NUCB2: variants seen among roughly 807,000 people sequenced by gnomAD.
NUCB2 encodes the protein nucleobindin-2.
NUCB2 carries 48 observed loss-of-function variants against 57.9 expected under a neutral mutation model. The ratio of observed to expected loss-of-function variants is 0.83; its 90% CI spans 0.66 to 1.05. The LOEUF (loss-of-function observed/expected upper bound fraction) is 1.05. Ranked by LOEUF, NUCB2 falls within the 50% of genes least tolerant of loss-of-function variation. The pLI is 0.00. For synonymous variants in NUCB2, 139 were observed against 152.1 expected (o/e 0.91, Z 0.64); for missense variants, 442 against 476.2 (o/e 0.93, Z 0.67).
chr11:17,346,824 C>G (rs916312166), intron 2 of NUCB2, among the ~76,000 whole-genome samples: 1 of 152,046 alleles, frequency 6.6e-6, no homozygotes, highest in Non-Finnish European at 1.5e-5. Context: ...GCCAGTTATC[C>G]TACTATAAAT....
At chr11:17,327,568 G>A (rs533455075) in intron 11 of NUCB2, among the ~76,000 whole-genome samples, 5 of 152,078 alleles carry the variant, frequency 3.3e-5, no homozygotes, top group East Asian at 1.9e-4. Context: ...TATATTTGCC[G>A]TTTTGAGGCT....
chr11:17,311,127 T>C, intron 7 of NUCB2, 66 bp from the exon 8 acceptor site: 1 of 1,440,448 alleles, frequency 6.9e-7, no homozygotes. Context: ...TCCTCAAATT[T>C]ATATTTTGAG....
At position 17,311,024 on chromosome 11, in the gene NUCB2, C is replaced by T. The variant is rs746563783; in HGVS notation, c.669+14C>T. ...GTTAATCACCCAGTAAGGATTGTGACTTTATGAAACCATTTTTAGATAAAG... is the reference window on the plus strand; with the variant it reads ...GTTAATCACCCAGTAAGGATTGTGATTTTATGAAACCATTTTTAGATAAAG... On this transcript the variant is annotated intron_variant, in intron 7 of 13. Coordinates refer to ENST00000529010, the MANE Select transcript of NUCB2 (RefSeq NM_005013.4). 1 of 1,551,936 alleles carries T rather than the reference C, an allele frequency of 6.4e-7. No homozygotes were observed. The highest frequency in any genetic ancestry group is 1.2e-5 in the South Asian group (1 of 80,946).
rs535478658 is a variant in NUCB2 at position 17,290,652 on chromosome 11, C to G, written c.1-4672C>G. ...AAATCTTAAGTTTATATATATATAC[C>G]TAATATTTGAATAAAAATTAACAGA... On this transcript the variant is annotated intron_variant, in intron 2 of 13. Transcript: ENST00000529010. Among the ~76,000 whole-genome samples, 4 of 151,720 alleles carry G rather than the reference C, an allele frequency of 2.6e-5. No homozygotes were observed. In the East Asian group the frequency reaches 5.8e-4, roughly 22 times the overall value.
chr11:17,321,476 CCA>C (rs1479995113), intron 11 of NUCB2, among the ~76,000 whole-genome samples: 1 of 152,094 alleles, frequency 6.6e-6, no homozygotes, highest in Non-Finnish European at 1.5e-5. Flanking sequence ...TGTATAAGTA[CCA>C]CATTTTCTTC....
chr11:17,330,914 A>G lies in NUCB2; in HGVS notation c.1186A>G (p.Met396Val), dbSNP rs1951314323. 1.9e-6 allele frequency: 3 copies of G among 1,600,100 alleles called. No homozygotes were observed. Among genetic ancestry groups the G allele is most frequent in the African/African-American group, 1.3e-5 (1 of 74,286 alleles). ...KLEYHQVIQQ[M>V]EQKKLQQGIP... is the part of the protein sequence containing the mutation. ...TTCCATTCACCAGGTCATACAGCAG[A>G]TGGAACAAAAAAAATTACAACAAGG... Residue 396 changes from methionine to valine, a missense_variant, in exon 13 of 14, where the codon ATG becomes GTG. By Grantham distance (21) the Met-to-Val change is conservative. Transcript: ENST00000529010. This position sits in a 1 kb window ranked among gnomAD's most constrained non-coding sequence, Gnocchi z 4.3.
intron 4 of NUCB2, among the ~76,000 whole-genome samples, chr11:17,300,318 A>G (rs1021298978): frequency 5.3e-5 from 8 of 152,152 alleles, no homozygotes; most frequent in Admixed American, 2.0e-4. Context: ...TGCCATTTCA[A>G]TAGTTTTTTT....
intron 2 of NUCB2, among the ~76,000 whole-genome samples, chr11:17,288,530 T>C (rs1196660722): frequency 2.2e-5 from 3 of 138,450 alleles, no homozygotes; most frequent in African/African-American, 8.6e-5. Context: ...TATTTTATCT[T>C]TTTCTTCTTC....
intron 11 of NUCB2, among the ~76,000 whole-genome samples, chr11:17,324,774 A>G (rs1017453035): frequency 1.4e-5 from 2 of 140,988 alleles, no homozygotes; most frequent in Admixed American, 7.9e-5. Context: ...CATATTGTCT[A>G]TTTGTCTATT....
chr11:17,282,128 C>A (rs1013273594), intron 1 of NUCB2, among the ~76,000 whole-genome samples: 1 of 151,186 alleles, frequency 6.6e-6, no homozygotes. Flanking sequence ...AGCTTTTAAT[C>A]TGAATTCCTC....
chr11:17,295,743 A>G, intron 3 of NUCB2: 1 of 404,816 alleles, frequency 2.5e-6, no homozygotes. Context: ...TAATCGTAAT[A>G]CATTTCCAAC....
chr11:17,288,963 A>ATT (rs1555071216), intron 2 of NUCB2, among the ~76,000 whole-genome samples: 1,417 of 68,066 alleles, frequency 0.021, 267 homozygotes, highest in Middle Eastern at 0.071. Flanking sequence ...ATATATATAT[A>ATT]TTTTTTTTTT....
intron 2 of NUCB2, among the ~76,000 whole-genome samples, chr11:17,288,950 C>CACACACACAT (rs1944414979): frequency 3.0e-4 from 10 of 33,164 alleles, no homozygotes; most frequent in African/African-American, 4.8e-4. Context: ...CACACACACA[C>CACACACACAT]ATATATATAT....
chr11:17,316,971 C>T (rs755390994), intron 11 of NUCB2, among the ~76,000 whole-genome samples: 1 of 152,108 alleles, frequency 6.6e-6, no homozygotes, highest in African/African-American at 2.4e-5. Context: ...AAGTCAGCCT[C>T]TTTTTGTATT....
rs925889714 is a variant in NUCB2 at position 17,315,576 on chromosome 11, C to A, written c.1002+101C>A. The A allele has an allele frequency of 7.3e-6, 4 of 545,024 alleles. No homozygotes were observed. In the African/African-American group the frequency reaches 7.7e-5, roughly 10 times the overall value. 33.8% of individuals were successfully genotyped at this position (545,024 alleles called of 1,614,324 possible). ...TCCCCATTATGTTTGCATGTATAGT[C>A]TTACTATCTTGGGATTTTTATATAA... is the stretch of plus-strand genomic sequence containing the variant. On this transcript the variant is annotated intron_variant, in intron 11 of 13. Coordinates refer to ENST00000529010, the MANE Select transcript of NUCB2 (RefSeq NM_005013.4).
intron 2 of NUCB2, among the ~76,000 whole-genome samples, chr11:17,288,552 CTT>C (rs1362783048): frequency 1.4e-4 from 14 of 101,156 alleles, no homozygotes; most frequent in African/African-American, 1.8e-4. Flanking sequence ...TCTTCTTCTT[CTT>C]TTTTTTTTTT....
intron 2 of NUCB2, among the ~76,000 whole-genome samples, chr11:17,291,031 C>T (rs988084281): frequency 2.0e-5 from 3 of 152,034 alleles, no homozygotes; most frequent in Admixed American, 1.3e-4. Flanking sequence ...ATTTTCATCA[C>T]CCCCAAAAGG....
chr11:17,309,655 T>G lies in NUCB2; in HGVS notation c.463T>G (p.Leu155Val). The stretch of plus-strand genomic sequence containing the variant: ...TCCTGACAAGTTTGAATCCACAGAT[T>G]TAGATATGCTAATCAAAGCGGTGAG... ...LNPDKFESTDLDMLIKAATSD... is the reference protein window; with the variant it reads ...LNPDKFESTDVDMLIKAATSD... Residue 155 changes from leucine to valine, a missense_variant, in exon 6 of 14, where the codon TTA (leucine) becomes GTA (valine). Physicochemically the swap from Leu to Val is conservative, Grantham distance 32 (BLOSUM62 1). Transcript: ENST00000529010. The G allele has an allele frequency of 6.2e-7, 1 of 1,600,174 alleles. No homozygotes were observed. The highest frequency in any genetic ancestry group is 1.1e-5 in the South Asian group (1 of 88,200).
chr11:17,324,926 T>C (rs1413376156), intron 11 of NUCB2, among the ~76,000 whole-genome samples: 2 of 151,932 alleles, frequency 1.3e-5, no homozygotes, highest in Non-Finnish European at 2.9e-5. Flanking sequence ...CTCAGCCTCC[T>C]GAGTAGCTGG....
Sources: allele counts gnomAD v4.1 joint callset (sites outside exome capture counted in the v4.1 genomes callset), GRCh38; gene constraint gnomAD v4.1.1; non-coding constraint Gnocchi (gnomAD v3.1); transcripts MANE v1.5; gene names NCBI Gene and HGNC (gene_info 2026-07-23, HGNC 2026-07-21).